Variants in OXR1 observed in about 807,000 individuals in gnomAD.
OXR1 encodes oxidation resistance 1.
In OXR1, 41 loss-of-function variants were observed where a neutral mutation model predicts 104.6. That is an observed-to-expected ratio of 0.39 (90% CI 0.31 to 0.51). OXR1 has a LOEUF of 0.51. OXR1 is among the 20% of genes least tolerant of loss of function. OXR1 has a pLI of 0.77. For synonymous variants in OXR1, 348 were observed against 348.4 expected (o/e 1.00, Z 0.01); for missense variants, 955 against 1,031.9 (o/e 0.93, Z 1.02).
intron 1 of OXR1, among the ~76,000 whole-genome samples, chr8:106,356,209 A>G: frequency 6.6e-6 from 1 of 152,190 alleles, no homozygotes; most frequent in East Asian, 1.9e-4. Context: ...TTTTAAAGGG[A>G]TGGCTCCCAG....
chr8:106,740,633 A>G (rs1834840307), intron 14 of OXR1, 138 bp downstream of exon 14: 2 of 691,952 alleles, frequency 2.9e-6, no homozygotes, highest in Non-Finnish European at 4.9e-6. Context: ...TTTAATATGC[A>G]AGGCAATGTT....
intron 2 of OXR1, among the ~76,000 whole-genome samples, chr8:106,482,369 G>A (rs535949734): frequency 2.0e-5 from 3 of 150,538 alleles, no homozygotes; most frequent in Non-Finnish European, 4.4e-5. Flanking sequence ...TGAGTGAGAT[G>A]ATGAGGCAGT....
chr8:106,315,695 G>A (rs1384677594), intron 1 of OXR1, among the ~76,000 whole-genome samples: 1 of 152,158 alleles, frequency 6.6e-6, no homozygotes. Flanking sequence ...TATTACATAT[G>A]AATTGTTATT....
intron 1 of OXR1, among the ~76,000 whole-genome samples, chr8:106,321,513 G>A (rs1486627459): frequency 1.3e-5 from 2 of 152,086 alleles, no homozygotes; most frequent in African/African-American, 4.8e-5. Flanking sequence ...ACACAGATGG[G>A]CCAAACAGCC....
rs551520547 is a variant in OXR1 at position 106,391,129 on chromosome 8, C to T, written c.23+31493C>T. On this transcript the variant is annotated intron_variant, in intron 2 of 16. Coordinates refer to ENST00000517566, the MANE Select transcript of OXR1 (RefSeq NM_001198533.2). ...AAAGTGAGTGGAAGCAGAGATAAAACAAGATTGACCGTGAGTTGATAATTA... is the reference window on the plus strand; with the variant it reads ...AAAGTGAGTGGAAGCAGAGATAAAATAAGATTGACCGTGAGTTGATAATTA... 2.2e-4 allele frequency among the ~76,000 whole-genome samples: 34 copies of T among 152,210 alleles called. No homozygotes were observed. In the South Asian group the frequency reaches 5.8e-3, roughly 26 times the overall value.
chr8:106,275,823 T>G (rs1812015400), intron 1 of OXR1, among the ~76,000 whole-genome samples: 1 of 152,160 alleles, frequency 6.6e-6, no homozygotes, highest in African/African-American at 2.4e-5. Flanking sequence ...ATTTTGAAAT[T>G]TATGCTGTAG....
chr8:106,275,202 A>G (rs1281577786), intron 1 of OXR1, among the ~76,000 whole-genome samples: 1 of 152,276 alleles, frequency 6.6e-6, no homozygotes, highest in Non-Finnish European at 1.5e-5. Context: ...GGATTTCTGT[A>G]CAGCCTAGAC....
At chr8:106,520,569 G>A (rs1813183289) in intron 3 of OXR1, 3 of 152,128 alleles carry the variant, frequency 2.0e-5, no homozygotes, top group African/African-American at 7.2e-5. Flanking sequence ...TTTTCTAAAA[G>A]GCAACAAGTA....
chr8:106,674,565 T>C (rs767964729), intron 3 of OXR1, among the ~76,000 whole-genome samples: 1 of 152,132 alleles, frequency 6.6e-6, no homozygotes, highest in Non-Finnish European at 1.5e-5. Flanking sequence ...AAGGCATGAT[T>C]GGCTTTGAAA....
chr8:106,724,402 C>T (rs899540217), intron 11 of OXR1, among the ~76,000 whole-genome samples: 4 of 152,060 alleles, frequency 2.6e-5, no homozygotes, highest in Non-Finnish European at 5.9e-5. Flanking sequence ...ACAGAAAGGG[C>T]AAGAAGGAGA....
chr8:106,504,888 C>T (rs1812055823), intron 2 of OXR1, among the ~76,000 whole-genome samples: 1 of 152,138 alleles, frequency 6.6e-6, no homozygotes, highest in East Asian at 1.9e-4. Context: ...TGCTTTTCTG[C>T]ATTCACTCTC....
At chr8:106,431,839 A>T (rs1437848685) in intron 2 of OXR1, among the ~76,000 whole-genome samples, 1 of 152,238 alleles carries the variant, frequency 6.6e-6, no homozygotes, top group Admixed American at 6.5e-5. Flanking sequence ...AATATTACAA[A>T]GGTAATAAAG....
At chr8:106,403,089 C>T (rs541120799) in intron 2 of OXR1, among the ~76,000 whole-genome samples, 3 of 152,300 alleles carry the variant, frequency 2.0e-5, no homozygotes, top group African/African-American at 7.2e-5. Context: ...CGAAGGGGTC[C>T]TGATTCTTTA....
chr8:106,359,454 C>A (rs1199638089), intron 1 of OXR1, 22 bp from the exon 2 acceptor site: 10 of 617,464 alleles, frequency 1.6e-5, no homozygotes, highest in Non-Finnish European at 2.9e-5. Context: ...TAGAGATATT[C>A]ATTTATTTCT....
At chr8:106,649,735 C>T (rs1446728912) in intron 3 of OXR1, among the ~76,000 whole-genome samples, 10 of 151,960 alleles carry the variant, frequency 6.6e-5, no homozygotes, top group Admixed American at 3.3e-4. Context: ...CTCGCTCTGT[C>T]GCCCAGGCTG....
At chr8:106,367,366 G>A (rs1318187595) in intron 2 of OXR1, among the ~76,000 whole-genome samples, 2 of 151,852 alleles carry the variant, frequency 1.3e-5, no homozygotes, top group Non-Finnish European at 2.9e-5. Context: ...CCCGATCTAT[G>A]TTCCACTTTT....
At chr8:106,312,939 G>A (rs1340856534) in intron 1 of OXR1, among the ~76,000 whole-genome samples, 1 of 152,090 alleles carries the variant, frequency 6.6e-6, no homozygotes, top group Admixed American at 6.5e-5. Context: ...ACTTCTGTTT[G>A]GAAGGGCTAA....
chr8:106,680,889 T>G (rs1447397896), intron 4 of OXR1, among the ~76,000 whole-genome samples: 1 of 152,188 alleles, frequency 6.6e-6, no homozygotes, highest in Non-Finnish European at 1.5e-5. Flanking sequence ...TTCATTCAGG[T>G]TGCAGTCTTT....
intron 11 of OXR1, among the ~76,000 whole-genome samples, chr8:106,734,350 C>T (rs1270893277): frequency 6.6e-6 from 1 of 152,106 alleles, no homozygotes; most frequent in Non-Finnish European, 1.5e-5. Context: ...TTGTTTGATA[C>T]AGAAGCTCAG....
Sources: allele counts gnomAD v4.1 joint callset (sites outside exome capture counted in the v4.1 genomes callset), GRCh38; gene constraint gnomAD v4.1.1; transcripts MANE v1.5; gene names NCBI Gene and HGNC (gene_info 2026-07-23, HGNC 2026-07-21).